The following ZNF75D variants were observed in gnomAD, a reference collection of about 807,000 sequenced individuals.
ZNF75D encodes the protein zinc finger protein 75D.
A neutral mutation model predicts 33.3 loss-of-function variants in ZNF75D; 33 were observed. That is an observed-to-expected ratio of 0.99 (90% CI 0.75 to 1.32). ZNF75D has a LOEUF of 1.32. Ranked by LOEUF, ZNF75D falls within the 40% of genes most tolerant of loss-of-function variation. The pLI is 0.00. For synonymous variants in ZNF75D, 113 were observed against 130.6 expected, an observed-to-expected ratio of 0.87 and a Z score of 0.92; for missense variants, 338 against 367.5, an observed-to-expected ratio of 0.92 and a Z score of 0.66.
At chrX:135,301,444 T>C (rs1378031284) in intron 1 of ZNF75D, among the ~76,000 whole-genome samples, 1 of 111,102 alleles carries the variant, frequency 9.0e-6, no homozygotes, top group Non-Finnish European at 1.9e-5. Context: ...AACTCAAAAG[T>C]CCAAGTCCAA....
chrX:135,276,736 T>C (rs962405808), intron 1 of ZNF75D, among the ~76,000 whole-genome samples: 2 of 108,422 alleles, frequency 1.8e-5, no homozygotes, highest in African/African-American at 6.7e-5. Context: ...AGTGAGAACA[T>C]GCAGTGTTTG....
intron 1 of ZNF75D, among the ~76,000 whole-genome samples, chrX:135,333,159 CT>C (rs1311987142): frequency 9.0e-6 from 1 of 111,493 alleles, no homozygotes; most frequent in East Asian, 2.8e-4. Flanking sequence ...GAAGAATATT[CT>C]TAAGTGATCT....
chrX:135,291,500 G>A lies in ZNF75D; in HGVS notation c.668C>T (p.Ala223Val), dbSNP rs1369466887. ...GGACTCAGGCAGGATGAGTTTAGAT[G>A]CCATCTTCCAGTGTTTGATTCTTTT... ...EQKRIKHWKM[A>V]SKLILPESLS... Residue 223 changes from alanine to valine, a missense_variant, in exon 5 of 7, where the codon GCA (alanine) becomes GTA (valine). By Grantham distance (64) the Ala-to-Val change is moderately conservative. This residue lies in a region of ZNF75D where 254 missense variants were observed against 267.7 expected (regional missense o/e 0.95). Transcript: ENST00000370766. 3 of 1,211,762 alleles carry A rather than the reference G, an allele frequency of 2.5e-6. No individual in the cohort carries two copies. In the African/African-American group the frequency reaches 5.2e-5, roughly 21 times the overall value.
intron 1 of ZNF75D, among the ~76,000 whole-genome samples, chrX:135,261,653 A>G (rs139602499): frequency 0.021 from 2,282 of 111,123 alleles, 20 homozygotes; most frequent in Non-Finnish European, 0.023. Context: ...TGCTTGGTAG[A>G]TCTTTCTCCA....
At position 135,292,462 on chromosome X, in the gene ZNF75D, A is replaced by G. The variant is rs2084057664; in HGVS notation, c.423T>C (p.His141=). The G allele has an allele frequency of 8.3e-7, 1 of 1,208,451 alleles. No individual in the cohort carries two copies. The highest frequency in any genetic ancestry group is 1.8e-5 in the African/African-American group (1 of 57,102). Residue 141 remains histidine (H), a synonymous_variant, in exon 4 of 7, where the codon CAT becomes CAC. Coordinates refer to ENST00000370766, the MANE Select transcript of ZNF75D (RefSeq NM_007131.5). ...PDGTKNEVTA[H]ELGKEAVLLG... ...AGAGCACTGCCTCCTTTCCCAGCTC[A>G]TGGGCTGTGACCTAGAAATAATCCC...
chrX:135,328,814 T>C (rs1556438835), intron 1 of ZNF75D, among the ~76,000 whole-genome samples: 1 of 112,064 alleles, frequency 8.9e-6, no homozygotes, highest in East Asian at 2.8e-4. Context: ...TCATTGTCTA[T>C]GTTTTTGTGG....
chrX:135,296,594 A>T (rs2084133544), intron 1 of ZNF75D, among the ~76,000 whole-genome samples: 2 of 112,321 alleles, frequency 1.8e-5, no homozygotes, highest in South Asian at 7.3e-4. Flanking sequence ...GTAAAAGGCA[A>T]TTTGATCCTG....
Position 135,264,857 on chromosome X carries a change from A to G in ZNF75D, n.828-9080T>C, listed in dbSNP as rs1251180985. Among the ~76,000 whole-genome samples the G allele has an allele frequency of 4.5e-5, 5 of 111,647 alleles. No homozygotes were observed. The Admixed American group carries it at 4.7e-4, about 11-fold the overall frequency. ...TACATAATCAGAGGAGACAAAAGAA[A>G]AAATAATAAAAAACAGTGAAGAATG... On this transcript the variant is annotated intron_variant and non_coding_transcript_variant, in intron 1 of 3. Coordinates refer to the ZNF75D transcript ENST00000494295.
intron 1 of ZNF75D, among the ~76,000 whole-genome samples, chrX:135,302,885 C>T (rs1209084820): frequency 2.7e-5 from 3 of 109,462 alleles, no homozygotes; most frequent in African/African-American, 6.7e-5. Flanking sequence ...AGGATCCCGC[C>T]GGCCTCTGAG....
At chrX:135,331,669 C>G (rs1161749482) in intron 1 of ZNF75D, among the ~76,000 whole-genome samples, 9 of 111,630 alleles carry the variant, frequency 8.1e-5, no homozygotes, top group African/African-American at 2.9e-4. Flanking sequence ...AGCAGTCCTT[C>G]TGTGCCCTCT....
At chrX:135,312,492 T>C (rs1260482304) in intron 1 of ZNF75D, among the ~76,000 whole-genome samples, 1 of 112,227 alleles carries the variant, frequency 8.9e-6, no homozygotes, top group Non-Finnish European at 1.9e-5. Flanking sequence ...ACAGATTTCT[T>C]TTCCTTTGGA....
intron 1 of ZNF75D, among the ~76,000 whole-genome samples, chrX:135,273,280 CTA>C (rs2083889293): frequency 9.0e-6 from 1 of 111,607 alleles, no homozygotes; most frequent in Non-Finnish European, 1.9e-5. Context: ...GGAGTCTTTT[CTA>C]TCTTTTTTGG....
At chrX:135,270,441 A>C (rs2083879322) in intron 1 of ZNF75D, among the ~76,000 whole-genome samples, 1 of 101,001 alleles carries the variant, frequency 9.9e-6, no homozygotes, top group Non-Finnish European at 2.0e-5. Flanking sequence ...TACCCACAAA[A>C]ATTAAAAATA....
chrX:135,259,965 T>C (rs1260676967), intron 1 of ZNF75D, among the ~76,000 whole-genome samples: 3 of 112,138 alleles, frequency 2.7e-5, no homozygotes, highest in African/African-American at 9.7e-5. Context: ...TGAGATACGT[T>C]CCATCAGTAC....
chrX:135,297,256 G>A (rs2084144450), intron 1 of ZNF75D: 1 of 112,062 alleles, frequency 8.9e-6, no homozygotes, highest in Admixed American at 9.5e-5. Context: ...TATAAATGCA[G>A]ATGACACTAA....
At chrX:135,324,068 C>G (rs974981460) in intron 1 of ZNF75D, among the ~76,000 whole-genome samples, 1 of 109,889 alleles carries the variant, frequency 9.1e-6, no homozygotes, top group African/African-American at 3.3e-5. Context: ...ACTCACATAC[C>G]GAGGCTTTCT....
At chrX:135,318,460 A>T (rs781845267) in intron 1 of ZNF75D, among the ~76,000 whole-genome samples, 1 of 111,609 alleles carries the variant, frequency 9.0e-6, no homozygotes, top group African/African-American at 3.3e-5. Context: ...AAACAGTAGG[A>T]CAATTTGGCA....
intron 1 of ZNF75D, among the ~76,000 whole-genome samples, chrX:135,261,124 T>A (rs963711786): frequency 1.2e-4 from 13 of 112,734 alleles, no homozygotes; most frequent in Non-Finnish European, 2.4e-4. Context: ...AGTTTCTGAA[T>A]TCTGAGTTCT....
At chrX:135,329,300 T>C (rs782638452) in intron 1 of ZNF75D, among the ~76,000 whole-genome samples, 16 of 112,303 alleles carry the variant, frequency 1.4e-4, no homozygotes, top group Non-Finnish European at 2.6e-4. Flanking sequence ...TATTTATTTA[T>C]TGAGACGGAG....
Sources: allele counts gnomAD v4.1 joint callset (sites outside exome capture counted in the v4.1 genomes callset), GRCh38; gene constraint gnomAD v4.1.1; regional missense constraint gnomAD v4.1.1; transcripts MANE v1.5; gene names NCBI Gene and HGNC (gene_info 2026-07-23, HGNC 2026-07-21).